PSME3IP1: variants seen among roughly 807,000 people sequenced by gnomAD.
The protein encoded by PSME3IP1 is proteasome activator subunit 3 interacting protein 1.
A neutral mutation model predicts 34.1 loss-of-function variants in PSME3IP1; 13 were observed. The observed-to-expected ratio is 0.38, with a 90% CI of 0.25 to 0.61. The LOEUF (loss-of-function observed/expected upper bound fraction) is 0.61, where lower values mean the gene tolerates loss of function less well. PSME3IP1 is among the 20% of genes least tolerant of loss of function. The pLI is 0.60. For missense variants in PSME3IP1, 237 were observed against 301.4 expected, an observed-to-expected ratio of 0.79 and a Z score of 1.58; for synonymous variants, 93 against 114.3, an observed-to-expected ratio of 0.81 and a Z score of 1.19.
rs777831024 is a variant in PSME3IP1 at position 57,154,491 on chromosome 16, C to A, written c.564G>T (p.Lys188Asn). Reference protein sequence around the residue: ...DDKNQEPSSCKSLGNTSLSGP... With the variant: ...DDKNQEPSSCNSLGNTSLSGP... ...CACTCAGGGAGGTGTTTCCGAGAGA[C>A]TTGCAGGATGAGGGCTCTGCAATAA... The change falls in exon 7 of 7, where the codon AAG becomes AAT. Residue 188 changes from lysine to asparagine, a missense_variant. By Grantham distance (94) the Lys-to-Asn change is moderately conservative (BLOSUM62 0). Transcript: ENST00000309137. This position sits in a 1 kb window ranked among gnomAD's most constrained non-coding sequence, Gnocchi z 4.0. The A allele has an allele frequency of 1.2e-6, 2 of 1,610,300 alleles. No individual in the cohort carries two copies. The highest frequency in any genetic ancestry group is 1.7e-6 in the Non-Finnish European group (2 of 1,177,538).
At chr16:57,164,886 C>G (rs1449158942) in intron 5 of PSME3IP1, among the ~76,000 whole-genome samples, 1 of 152,046 alleles carries the variant, frequency 6.6e-6, no homozygotes, top group African/African-American at 2.4e-5. Flanking sequence ...ACAAAATTAG[C>G]CAGGCAAGGT....
At chr16:57,185,244 C>T (rs1226604684) in intron 1 of PSME3IP1, among the ~76,000 whole-genome samples, 1 of 152,192 alleles carries the variant, frequency 6.6e-6, no homozygotes, top group Non-Finnish European at 1.5e-5. Flanking sequence ...AGGTCTCCCC[C>T]TTTCCTCTGT....
chr16:57,177,078 C>G (rs7185016), intron 1 of PSME3IP1, among the ~76,000 whole-genome samples: 3,338 of 152,218 alleles, frequency 0.022, 129 homozygotes, highest in African/African-American at 0.075. Context: ...TGGTCTCGAA[C>G]TCCTGACCTC....
intron 4 of PSME3IP1, among the ~76,000 whole-genome samples, chr16:57,168,405 T>C (rs2072153415): frequency 6.6e-6 from 1 of 152,174 alleles, no homozygotes; most frequent in Non-Finnish European, 1.5e-5. Context: ...CAGTATGCAA[T>C]GGAAATTAGA....
chr16:57,178,633 G>A (rs2073416241), intron 1 of PSME3IP1: 1 of 985,168 alleles, frequency 1.0e-6, no homozygotes, highest in Non-Finnish European at 1.2e-6. Context: ...TGAAGTGTCA[G>A]TATCATGGGA....
intron 4 of PSME3IP1, among the ~76,000 whole-genome samples, chr16:57,168,695 C>T (rs936143738): frequency 3.5e-5 from 5 of 143,820 alleles, no homozygotes; most frequent in African/African-American, 1.3e-4. Flanking sequence ...CCCAGCTAGT[C>T]GGGAGGCTGA....
chr16:57,160,899 G>A (rs1168314541), intron 6 of PSME3IP1, among the ~76,000 whole-genome samples: 2 of 152,134 alleles, frequency 1.3e-5, no homozygotes, highest in African/African-American at 4.8e-5. Flanking sequence ...GGAAACACAA[G>A]GTAGCAGGAA....
At chr16:57,167,551 T>C (rs540564198) in intron 4 of PSME3IP1, among the ~76,000 whole-genome samples, 9 of 152,150 alleles carry the variant, frequency 5.9e-5, no homozygotes, top group Non-Finnish European at 1.0e-4. Flanking sequence ...TTAAGGAATA[T>C]AAAGAAAACA....
chr16:57,174,122 C>T (rs781060928), intron 1 of PSME3IP1: 16 of 330,848 alleles, frequency 4.8e-5, no homozygotes, highest in Non-Finnish European at 6.3e-5. Flanking sequence ...GGTGAAACCC[C>T]GTCTCTACTA....
At chr16:57,178,940 T>A in intron 1 of PSME3IP1, 1 of 288,518 alleles carries the variant, frequency 3.5e-6, no homozygotes, top group Non-Finnish European at 5.2e-6. Context: ...TGTTGACTTC[T>A]AATTCCTATT....
intron 4 of PSME3IP1, among the ~76,000 whole-genome samples, chr16:57,169,029 C>T (rs2072253889): frequency 6.6e-6 from 1 of 151,884 alleles, no homozygotes; most frequent in Non-Finnish European, 1.5e-5. Flanking sequence ...CAAAACCCAA[C>T]ATTTAACTTT....
In PSME3IP1 at chr16:57,161,509, A is replaced by AT. The variant is rs35833252; in HGVS notation, c.547+2491dup. On this transcript the variant is annotated intron_variant, in intron 6 of 6. Transcript: ENST00000309137. ...ATGTCTGGTCCTTGCTAAGATCATA[A>AT]TTTTTTTTTTTTTTTTTTTTGAGAC... 6.2e-4 allele frequency among the ~76,000 whole-genome samples: 58 copies of AT among 93,676 alleles called. 1 individual carries two copies. Among genetic ancestry groups the AT allele is most frequent in the African/African-American group, 1.3e-3 (33 of 24,510 alleles). The allele number at this position is 93,676 out of a possible 152,430, so 61.5% of individuals were successfully genotyped here. A position where few individuals can be genotyped will look rare whatever the true frequency, so the allele number is the denominator to read the frequency against.
In PSME3IP1 at chr16:57,167,240, T is replaced by C. The variant is rs1184208755; in HGVS notation, c.349-14A>G. 3 of 1,614,064 alleles carry C rather than the reference T, an allele frequency of 1.9e-6. No individual in the cohort carries two copies. The highest frequency in any genetic ancestry group is 4.5e-5 in the East Asian group (2 of 44,898). ...CTTGAGGTTATTGTGAGTTACCAGT[T>C]AAGGGTCAAACTAAGCAAAAGGGAA... On this transcript the variant is annotated splice_polypyrimidine_tract_variant and intron_variant, in intron 4 of 6. Transcript: ENST00000309137.
chr16:57,173,440 G>A (rs2072837742), intron 2 of PSME3IP1, among the ~76,000 whole-genome samples: 1 of 152,042 alleles, frequency 6.6e-6, no homozygotes, highest in Non-Finnish European at 1.5e-5. Flanking sequence ...AACCAGCCTG[G>A]CCAACAGATG....
In PSME3IP1 at chr16:57,153,059, TAAAG is replaced by T. The variant is rs1386440345; in HGVS notation, c.*1227_*1230del. On this transcript the variant is annotated 3_prime_UTR_variant, in exon 7 of 7. Transcript: ENST00000309137. ...TTGATGTAGGAATAAGGGGAATGGA[TAAAG>T]AATGGTACATGCTTATTCTAAAGCA... is the stretch of plus-strand genomic sequence containing the variant. 1 of 152,686 alleles carries T rather than the reference TAAAG, an allele frequency of 6.5e-6. No individual in the cohort carries two copies. Among genetic ancestry groups the T allele is most frequent in the Non-Finnish European group, 1.5e-5 (1 of 68,042 alleles). 9.5% of individuals were successfully genotyped at this position (152,686 alleles called of 1,614,324 possible). A position where few individuals can be genotyped will look rare whatever the true frequency, so the allele number is the denominator to read the frequency against.
chr16:57,185,700 G>GCGGGT, intron 1 of PSME3IP1, 121 bp downstream of exon 1: 1 of 985,526 alleles, frequency 1.0e-6, no homozygotes, highest in Non-Finnish European at 1.2e-6. Flanking sequence ...CGGACAAGGA[G>GCGGGT]CGGGTGCGCG....
rs767623877 is a variant in PSME3IP1, at chr16:57,167,069, T to C, written c.482+24A>G. ...CAGAGTACACGGTCAGAGAGAAATCTGAGTTGTGTGAGTGCTGACTAACCT... is the reference window on the plus strand; with the variant it reads ...CAGAGTACACGGTCAGAGAGAAATCCGAGTTGTGTGAGTGCTGACTAACCT... On this transcript the variant is annotated intron_variant, in intron 5 of 6. Coordinates refer to ENST00000309137, the MANE Select transcript of PSME3IP1 (RefSeq NM_024946.4). 1.9e-6 allele frequency: 3 copies of C among 1,611,706 alleles called. No homozygotes were observed. The East Asian group carries it at 6.7e-5, about 36-fold the overall frequency.
Position 57,173,866 on chromosome 16 carries a change from C to T in PSME3IP1, c.-12G>A. On this transcript the variant is annotated 5_prime_UTR_variant, in exon 2 of 7. Transcript: ENST00000309137. ...TCCCCTCCATCCATAATGAAACAAC[C>T]AATCTACAAAACAAAAACAAAAACA... 6.2e-7 allele frequency: 1 copy of T among 1,606,858 alleles called. No homozygotes were observed. Among genetic ancestry groups the T allele is most frequent in the Non-Finnish European group, 8.5e-7 (1 of 1,177,294 alleles).
intron 4 of PSME3IP1, among the ~76,000 whole-genome samples, chr16:57,167,946 T>A (rs911822972): frequency 6.6e-6 from 1 of 152,138 alleles, no homozygotes; most frequent in Admixed American, 6.5e-5. Flanking sequence ...TAACATCAGT[T>A]TTTCGTTCTT....
Sources: gnomAD v4.1 joint callset for allele counts (sites outside exome capture counted in the v4.1 genomes callset) on GRCh38, gnomAD v4.1.1 for gene constraint, Gnocchi (gnomAD v3.1) non-coding constraint, MANE v1.5 for transcripts, NCBI Gene and HGNC (gene_info 2026-07-23, HGNC 2026-07-21) for gene names.